Variants in MIPOL1 observed in about 807,000 individuals in gnomAD.
The protein encoded by MIPOL1 is mirror-image polydactyly 1.
In MIPOL1, 57 loss-of-function variants were observed where a neutral mutation model predicts 60.9. The ratio of observed to expected loss-of-function variants is 0.94; its 90% CI spans 0.76 to 1.17. MIPOL1 has a LOEUF of 1.17. Among genes scored for constraint, MIPOL1 ranks in the 50% most tolerant of loss-of-function variants. The pLI is 0.00. For synonymous variants in MIPOL1, 179 were observed against 168.8 expected, an observed-to-expected ratio of 1.06 and a Z score of -0.47; for missense variants, 551 against 511.6, an observed-to-expected ratio of 1.08 and a Z score of -0.74.
chr14:37,524,535 GTTC>G (rs2095433726), intron 12 of MIPOL1, among the ~76,000 whole-genome samples: 1 of 144,890 alleles, frequency 6.9e-6, no homozygotes, highest in Admixed American at 6.9e-5. Flanking sequence ...CCAGGTGGAT[GTTC>G]TTCTTGACAT....
At chr14:37,426,570 C>CATATATATATATATATACATAT (rs1175477410) in intron 11 of MIPOL1, among the ~76,000 whole-genome samples, 1 of 85,530 alleles carries the variant, frequency 1.2e-5, no homozygotes, top group Non-Finnish European at 2.2e-5. Context: ...TCAAAATATA[C>CATATATATATATATATACATAT]ATATATATAT....
chr14:37,489,723 C>G (rs2095017473), intron 11 of MIPOL1, among the ~76,000 whole-genome samples: 1 of 152,156 alleles, frequency 6.6e-6, no homozygotes, highest in African/African-American at 2.4e-5. Flanking sequence ...TGCAGGTCTG[C>G]TGGAGTTTGC....
chr14:37,348,163 G>C (rs1488643393), intron 9 of MIPOL1, among the ~76,000 whole-genome samples: 1 of 152,024 alleles, frequency 6.6e-6, no homozygotes, highest in Admixed American at 6.6e-5. Context: ...GAGAATATGT[G>C]GTATTTGGTT....
chr14:37,256,991 C>T (rs1032267542), intron 3 of MIPOL1, among the ~76,000 whole-genome samples: 1 of 151,718 alleles, frequency 6.6e-6, no homozygotes, highest in Non-Finnish European at 1.5e-5. Context: ...TGTAGTGTAA[C>T]TAACAAGGGA....
intron 5 of MIPOL1, among the ~76,000 whole-genome samples, chr14:37,270,029 A>C (rs1481216729): frequency 6.6e-6 from 1 of 151,986 alleles, no homozygotes; most frequent in Non-Finnish European, 1.5e-5. Flanking sequence ...GGGTTTCATC[A>C]TGTTGGCCAG....
chr14:37,407,842 CTTCTTTTTTTTTT>C (rs1482483806), intron 10 of MIPOL1, among the ~76,000 whole-genome samples: 3 of 58,056 alleles, frequency 5.2e-5, no homozygotes, highest in Admixed American at 3.0e-4. Flanking sequence ...TCTTCTTCTT[CTTCTTTTTTTTTT>C]TTTTTTTTTT....
chr14:37,313,516 C>T (rs1481023595), intron 9 of MIPOL1, among the ~76,000 whole-genome samples: 1 of 152,058 alleles, frequency 6.6e-6, no homozygotes, highest in Admixed American at 6.6e-5. Flanking sequence ...AGGGGCCCAA[C>T]CCCTGAGACC....
chr14:37,475,151 G>A (rs936009709), intron 11 of MIPOL1, among the ~76,000 whole-genome samples: 2 of 151,982 alleles, frequency 1.3e-5, no homozygotes, highest in South Asian at 4.2e-4. Context: ...TTTTAGTAGA[G>A]ACAGGGTTTC....
At chr14:37,481,560 A>AACACACACACACACACACACACAC (rs3062719) in intron 11 of MIPOL1, among the ~76,000 whole-genome samples, 1 of 113,148 alleles carries the variant, frequency 8.8e-6, no homozygotes, top group Non-Finnish European at 1.8e-5. Context: ...GACCCCCCCC[A>AACACACACACACACACACACACAC]ACACACACAC....
chr14:37,412,274 A>C (rs1156849657), intron 10 of MIPOL1, among the ~76,000 whole-genome samples: 1 of 152,138 alleles, frequency 6.6e-6, no homozygotes, highest in African/African-American at 2.4e-5. Flanking sequence ...TGTGCTGAGC[A>C]TTGTATTCAT....
At chr14:37,403,770 A>C (rs995761960) in intron 10 of MIPOL1, among the ~76,000 whole-genome samples, 2 of 152,186 alleles carry the variant, frequency 1.3e-5, no homozygotes, top group Non-Finnish European at 2.9e-5. Context: ...AAAAACTGAT[A>C]AGCAGTAGGC....
intron 12 of MIPOL1, among the ~76,000 whole-genome samples, chr14:37,534,508 A>G (rs1418137554): frequency 6.6e-6 from 1 of 152,196 alleles, no homozygotes; most frequent in Non-Finnish European, 1.5e-5. Context: ...ATATTTATTC[A>G]TAAGCAATAT....
chr14:37,395,701 A>C (rs1278873100), intron 10 of MIPOL1, among the ~76,000 whole-genome samples: 1 of 152,144 alleles, frequency 6.6e-6, no homozygotes, highest in Non-Finnish European at 1.5e-5. Flanking sequence ...TATCGTCAGC[A>C]AACAGTGACA....
At chr14:37,491,343 A>G (rs2095044997) in intron 11 of MIPOL1, among the ~76,000 whole-genome samples, 1 of 152,196 alleles carries the variant, frequency 6.6e-6, no homozygotes, top group Non-Finnish European at 1.5e-5. Flanking sequence ...ATCTTGTGCA[A>G]CATGGCGAAA....
intron 9 of MIPOL1, among the ~76,000 whole-genome samples, chr14:37,364,922 T>C (rs2092418857): frequency 6.6e-6 from 1 of 152,290 alleles, no homozygotes; most frequent in African/African-American, 2.4e-5. Flanking sequence ...ATAGTTTTCT[T>C]TGGTTAAATT....
At chr14:37,391,304 A>T (rs920713979) in intron 10 of MIPOL1, among the ~76,000 whole-genome samples, 2 of 147,390 alleles carry the variant, frequency 1.4e-5, no homozygotes, top group East Asian at 3.9e-4. Flanking sequence ...GGAAAATGAT[A>T]CCAAACACAA....
At position 37,281,552 on chromosome 14, in the gene MIPOL1, G is replaced by C. The variant is rs2084110097; in HGVS notation, c.494-3766G>C. On this transcript the variant is annotated intron_variant, in intron 6 of 12. Transcript: ENST00000684589. Reference sequence around the variant, plus strand: ...CCTGAGTAGCTGGGATTACTGGCACGCACCACTATGCCCAGCTAATTTTTG... The same window carrying C: ...CCTGAGTAGCTGGGATTACTGGCACCCACCACTATGCCCAGCTAATTTTTG... 2.0e-5 allele frequency among the ~76,000 whole-genome samples: 3 copies of C among 152,018 alleles called. No homozygotes were observed. In the South Asian group the frequency reaches 6.2e-4, roughly 31 times the overall value.
At chr14:37,201,122 T>C (rs10148078) in intron 1 of MIPOL1, among the ~76,000 whole-genome samples, 62,949 of 151,462 alleles carry the variant, frequency 0.42, 15,842 homozygotes, top group African/African-American at 0.72. Flanking sequence ...CCAGGCTGGT[T>C]TTAAACTCCT....
chr14:37,358,697 A>G (rs2092018599), intron 9 of MIPOL1, among the ~76,000 whole-genome samples: 1 of 152,024 alleles, frequency 6.6e-6, no homozygotes, highest in South Asian at 2.1e-4. Flanking sequence ...TTTTTCTTGT[A>G]AATTTGTTAA....
Sources: allele counts gnomAD v4.1 joint callset (sites outside exome capture counted in the v4.1 genomes callset), GRCh38; gene constraint gnomAD v4.1.1; transcripts MANE v1.5; gene names NCBI Gene and HGNC (gene_info 2026-07-23, HGNC 2026-07-21).